Variants in BID observed in about 807,000 individuals in gnomAD.
The protein encoded by BID is BH3-interacting domain death agonist.
Under a neutral mutation model 17.4 loss-of-function variants are expected in BID, and 19 were observed. The observed-to-expected ratio is 1.09, with a 90% CI of 0.76 to 1.60. The LOEUF (loss-of-function observed/expected upper bound fraction) is 1.60, where lower values mean the gene tolerates loss of function less well. Among genes scored for constraint, BID ranks in the 40% most tolerant of loss-of-function variants. The pLI, the probability that BID is intolerant of heterozygous loss-of-function variation, is 0.00. For synonymous variants in BID, 108 were observed against 102.8 expected, an observed-to-expected ratio of 1.05 and a Z score of -0.31; for missense variants, 226 against 256.0, an observed-to-expected ratio of 0.88 and a Z score of 0.80.
Position 17,738,198 on chromosome 22 carries a change from T to C in BID, c.395A>G (p.Glu132Gly), listed in dbSNP as rs2061433615. The C allele has an allele frequency of 6.8e-6, 11 of 1,612,034 alleles. No individual in the cohort carries two copies. The highest frequency in any genetic ancestry group is 8.5e-6 in the Non-Finnish European group (10 of 1,180,004). The change falls in exon 5 of 6, where the codon GAG becomes GGG. Residue 132 changes from glutamate to glycine, a missense_variant. Glu to Gly is a moderately conservative substitution (Grantham distance 98). Coordinates refer to ENST00000622694, the MANE Select transcript of BID (RefSeq NM_001196.4). ...TCTAGGGTAGGCCTGCAGCAGCTGC[T>C]CCAGGGCAGTGGCCAGGTCCCTGTT... The part of the protein sequence containing the change: ...DRNRDLATAL[E>G]QLLQAYPRDM...
intron 1 of BID, among the ~76,000 whole-genome samples, chr22:17,758,822 G>C (rs2061612567): frequency 6.6e-6 from 1 of 152,168 alleles, no homozygotes; most frequent in Non-Finnish European, 1.5e-5. Context: ...TGGTGGTAAT[G>C]GTTGCACGAC....
chr22:17,738,248 A>G lies in BID; in HGVS notation c.364-19T>C. The G allele has an allele frequency of 6.2e-7, 1 of 1,604,126 alleles. No homozygotes were observed. Among genetic ancestry groups the G allele is most frequent in the Non-Finnish European group, 8.5e-7 (1 of 1,177,602 alleles). On this transcript the variant is annotated intron_variant, in intron 4 of 5. Transcript: ENST00000622694. The stretch of plus-strand genomic sequence containing the variant: ...TCCGGTCCTGCACAGAGGGGCACAC[A>G]GAACCTGGTTTACTAATACTCTTCC...
intron 1 of BID, among the ~76,000 whole-genome samples, chr22:17,756,734 C>A (rs1018048801): frequency 6.6e-6 from 1 of 151,906 alleles, no homozygotes; most frequent in African/African-American, 2.4e-5. Flanking sequence ...CACCATCATG[C>A]CCAGCTAATT....
intron 2 of BID, among the ~76,000 whole-genome samples, chr22:17,747,249 T>C (rs1425826547): frequency 6.6e-6 from 1 of 152,172 alleles, no homozygotes; most frequent in African/African-American, 2.4e-5. Flanking sequence ...GCTCGGAAGA[T>C]GGATGCCATT....
intron 1 of BID, among the ~76,000 whole-genome samples, chr22:17,757,454 A>G (rs2061600299): frequency 6.7e-6 from 1 of 150,286 alleles, no homozygotes; most frequent in Non-Finnish European, 1.5e-5. Flanking sequence ...CATGCCTGTA[A>G]TCTCAGCACT....
At chr22:17,768,598 G>T (rs73148870) in intron 1 of BID, among the ~76,000 whole-genome samples, 1 of 152,180 alleles carries the variant, frequency 6.6e-6, no homozygotes. Flanking sequence ...AGGCTGGGCC[G>T]CAAGGTGGCT....
At chr22:17,737,045 T>C (rs2061425271) in intron 5 of BID, among the ~76,000 whole-genome samples, 1 of 152,236 alleles carries the variant, frequency 6.6e-6, no homozygotes, top group East Asian at 1.9e-4. Flanking sequence ...GACTTCATGA[T>C]CCGCCTGCCT....
At chr22:17,756,414 T>C (rs539353367) in intron 1 of BID, among the ~76,000 whole-genome samples, 3 of 53,060 alleles carry the variant, frequency 5.7e-5, no homozygotes, top group East Asian at 6.8e-3. Context: ...TTTTTTCTCT[T>C]TCTTTCTTTC....
At chr22:17,737,693 T>C (rs1043859883) in intron 5 of BID, among the ~76,000 whole-genome samples, 4 of 152,300 alleles carry the variant, frequency 2.6e-5, no homozygotes, top group Admixed American at 2.6e-4. Flanking sequence ...AAAAGCTCAT[T>C]GTGAGCCCTC....
chr22:17,744,150 C>T (rs1376757402), intron 2 of BID, 137 bp from the exon 3 acceptor site: 31 of 749,458 alleles, frequency 4.1e-5, no homozygotes, highest in Non-Finnish European at 6.6e-5. Flanking sequence ...CTGGAGGGCC[C>T]TGCAGGAGGT....
chr22:17,747,512 G>A (rs2268784), intron 2 of BID, among the ~76,000 whole-genome samples: 6,611 of 151,904 alleles, frequency 0.044, 257 homozygotes, highest in African/African-American at 0.1. Flanking sequence ...GTAAAGATGG[G>A]GCTTCACCAT....
At chr22:17,762,900 G>A (rs896451306) in intron 1 of BID, among the ~76,000 whole-genome samples, 4 of 150,294 alleles carry the variant, frequency 2.7e-5, no homozygotes, top group South Asian at 2.1e-4. Context: ...TTTTTAAGAC[G>A]GAGTCTCACT....
At chr22:17,747,763 G>C (rs1381187079) in intron 2 of BID, among the ~76,000 whole-genome samples, 7 of 152,168 alleles carry the variant, frequency 4.6e-5, no homozygotes, top group Admixed American at 1.3e-4. Flanking sequence ...AAAATAATAA[G>C]ATCAGTTCCA....
chr22:17,738,654 G>A lies in BID; in HGVS notation c.364-425C>T, dbSNP rs8190334. 9.6e-3 allele frequency among the ~76,000 whole-genome samples: 1,454 copies of A among 152,240 alleles called. 20 individuals are homozygous for A. The highest frequency in any genetic ancestry group is 0.055 in the South Asian group (264 of 4,820). ...GGCTGGCAAGGACCGTCAGGCGGTC[G>A]GCGCACATGCAGAGTTACATGGGAG... is the stretch of plus-strand genomic sequence containing the variant. On this transcript the variant is annotated intron_variant, in intron 4 of 5. Transcript: ENST00000622694.
rs2061734839 is a variant in BID, at chr22:17,773,391, T to A, written c.-59+990A>T. Among the ~76,000 whole-genome samples, 1 of 152,022 alleles carries A rather than the reference T, an allele frequency of 6.6e-6. No individual in the cohort carries two copies. Among genetic ancestry groups the A allele is most frequent in the Non-Finnish European group, 1.5e-5 (1 of 67,998 alleles). ...GGAGAGCTCCCCCCATCTCAAAGCC[T>A]CCTGTGGGTGGAGATGGAATGTGGA... On this transcript the variant is annotated intron_variant, in intron 1 of 5. Coordinates refer to ENST00000622694, the MANE Select transcript of BID (RefSeq NM_001196.4). This position sits in a 1 kb window ranked among gnomAD's most constrained non-coding sequence, Gnocchi z 4.4.
chr22:17,758,217 T>C (rs143435465), intron 1 of BID, among the ~76,000 whole-genome samples: 129 of 152,340 alleles, frequency 8.5e-4, no homozygotes, highest in Middle Eastern at 3.4e-3. Context: ...CGCTGTGAGC[T>C]GGGGCCGAGC....
intron 3 of BID, among the ~76,000 whole-genome samples, chr22:17,742,120 C>T (rs774083467): frequency 1.3e-5 from 2 of 152,242 alleles, no homozygotes; most frequent in Middle Eastern, 3.2e-3. Flanking sequence ...GAAACCCCGG[C>T]AGCCAGAGCC....
At chr22:17,758,915 C>T (rs950209177) in intron 1 of BID, among the ~76,000 whole-genome samples, 4 of 22,874 alleles carry the variant, frequency 1.7e-4, no homozygotes, top group African/African-American at 5.6e-4. Flanking sequence ...TATTTTACCA[C>T]GATAAAAAAA....
intron 2 of BID, among the ~76,000 whole-genome samples, chr22:17,745,838 C>A (rs1452678667): frequency 1.3e-5 from 2 of 151,846 alleles, no homozygotes; most frequent in African/African-American, 4.8e-5. Flanking sequence ...TGGTGGCGGG[C>A]GTCTGTAGTC....
Sources: gnomAD v4.1 joint callset for allele counts (sites outside exome capture counted in the v4.1 genomes callset) on GRCh38, gnomAD v4.1.1 for gene constraint, Gnocchi (gnomAD v3.1) non-coding constraint, MANE v1.5 for transcripts, NCBI Gene and HGNC (gene_info 2026-07-23, HGNC 2026-07-21) for gene names.